The following FRAS1 variants were observed in gnomAD, a reference collection of about 807,000 sequenced individuals.
The protein encoded by FRAS1 is extracellular matrix organizing protein FRAS1.
In FRAS1, 290 loss-of-function variants were observed where a neutral mutation model predicts 435.2. The observed-to-expected ratio is 0.67, with a 90% CI of 0.61 to 0.73. The LOEUF (loss-of-function observed/expected upper bound fraction) is 0.73, where lower values mean the gene tolerates loss of function less well. Ranked by LOEUF, FRAS1 falls within the 30% of genes least tolerant of loss-of-function variation. The pLI, the probability that FRAS1 is intolerant of heterozygous loss-of-function variation, is 0.00. For synonymous variants in FRAS1, 1,800 were observed against 1,851.0 expected, an observed-to-expected ratio of 0.97 and a Z score of 0.71; for missense variants, 4,860 against 5,001.5, an observed-to-expected ratio of 0.97 and a Z score of 0.85.
intron 64 of FRAS1, 39 bp from the exon 65 acceptor site, chr4:78,513,353 C>A (rs1232977198): frequency 3.1e-6 from 5 of 1,601,384 alleles, no homozygotes; most frequent in Non-Finnish European, 4.3e-6. Context: ...CCATTTATAG[C>A]AGTCAGCTAA....
At chr4:78,148,665 G>A (rs1203061222) in intron 2 of FRAS1, among the ~76,000 whole-genome samples, 1 of 152,154 alleles carries the variant, frequency 6.6e-6, no homozygotes, top group Non-Finnish European at 1.5e-5. Flanking sequence ...AGTTCCCCAT[G>A]TTTTAAGAAT....
At chr4:78,534,376 G>A (rs1721817911) in intron 70 of FRAS1, 73 bp from the exon 71 acceptor site, 2 of 1,264,714 alleles carry the variant, frequency 1.6e-6, no homozygotes, top group South Asian at 1.4e-5. Flanking sequence ...GGTGGGGAAG[G>A]GAGGGTGACT....
At chr4:78,070,132 C>T (rs72858745) in intron 2 of FRAS1, among the ~76,000 whole-genome samples, 17,456 of 152,124 alleles carry the variant, frequency 0.11, 1,092 homozygotes, top group Middle Eastern at 0.18. Context: ...CCTGCACTGG[C>T]GTGCACCAGA....
intron 6 of FRAS1, among the ~76,000 whole-genome samples, chr4:78,256,293 G>A (rs1725792621): frequency 1.3e-5 from 2 of 152,202 alleles, no homozygotes; most frequent in African/African-American, 4.8e-5. Context: ...CTGTGCTCAT[G>A]TCTCATCTCC....
At chr4:78,419,362 C>A (rs769669578) in intron 33 of FRAS1, among the ~76,000 whole-genome samples, 2 of 152,186 alleles carry the variant, frequency 1.3e-5, no homozygotes, top group Non-Finnish European at 2.9e-5. Context: ...ACTGGCAGAA[C>A]TGGACACATA....
Position 78,518,454 on chromosome 4 carries a change from T to TATATA in FRAS1, c.10390-877_10390-876insATATA, listed in dbSNP as rs1560423230. ...TATATATATATATATATATATATAT[T>TATATA]TATTTATTTATTTATTTGTGGAAAA... On this transcript the variant is annotated intron_variant, in intron 66 of 73. Coordinates refer to ENST00000512123, the MANE Select transcript of FRAS1 (RefSeq NM_025074.7). 6.3e-3 allele frequency among the ~76,000 whole-genome samples: 635 copies of TATATA among 100,396 alleles called. 4 individuals are homozygous for TATATA. Among genetic ancestry groups the TATATA allele is most frequent in the African/African-American group, 0.026 (605 of 23,668 alleles). 65.9% of individuals were successfully genotyped at this position (100,396 alleles called of 152,430 possible).
At chr4:78,244,986 A>T (rs1008792464) in intron 3 of FRAS1, among the ~76,000 whole-genome samples, 4 of 152,166 alleles carry the variant, frequency 2.6e-5, no homozygotes, top group Non-Finnish European at 5.9e-5. Context: ...AGTTCATCAC[A>T]TGTGAAAAGA....
At chr4:78,450,927 AC>A (rs1174672074) in intron 45 of FRAS1, among the ~76,000 whole-genome samples, 19 of 151,788 alleles carry the variant, frequency 1.3e-4, no homozygotes, top group Admixed American at 1.2e-3. Context: ...AACGTAATCC[AC>A]AGTCTTGTGA....
chr4:78,477,585 C>A (rs1026364021), intron 54 of FRAS1, among the ~76,000 whole-genome samples: 4 of 152,178 alleles, frequency 2.6e-5, no homozygotes, highest in Non-Finnish European at 5.9e-5. Context: ...AGAGATTTTG[C>A]TCCTTCATGT....
intron 14 of FRAS1, among the ~76,000 whole-genome samples, chr4:78,302,611 A>G (rs369510808): frequency 1.3e-5 from 2 of 152,026 alleles, no homozygotes; most frequent in South Asian, 2.1e-4. Flanking sequence ...GCCAGTGATG[A>G]TGAGCATTTT....
rs148877819 is a variant in FRAS1 at position 78,224,963 on chromosome 4, G to A, written c.109-12547G>A. ...TTTCTAACTTGTTTGCGCATTAGTAGTGGTCATATACTGAAATGCATGCAA... is the reference window on the plus strand; with the variant it reads ...TTTCTAACTTGTTTGCGCATTAGTAATGGTCATATACTGAAATGCATGCAA... On this transcript the variant is annotated intron_variant, in intron 2 of 73. Transcript: ENST00000512123. Among the ~76,000 whole-genome samples the A allele has an allele frequency of 9.8e-5, 15 of 152,302 alleles. No individual in the cohort carries two copies. The East Asian group carries it at 2.1e-3, about 22-fold the overall frequency.
At chr4:78,536,191 A>ATTTTTTTTTTT (rs11355997) in intron 71 of FRAS1, among the ~76,000 whole-genome samples, 21 of 103,978 alleles carry the variant, frequency 2.0e-4, no homozygotes, top group African/African-American at 7.9e-4. Context: ...TTGTACATGG[A>ATTTTTTTTTTT]TTTTTTTTTT....
At chr4:78,254,834 C>T (rs1437112815) in intron 5 of FRAS1, among the ~76,000 whole-genome samples, 1 of 152,050 alleles carries the variant, frequency 6.6e-6, no homozygotes, top group Non-Finnish European at 1.5e-5. Context: ...TAATGTTTTC[C>T]TCCTTTGGGC....
At chr4:78,252,371 T>G in intron 4 of FRAS1, 21 bp from the exon 5 acceptor site, 1 of 1,601,910 alleles carries the variant, frequency 6.2e-7, no homozygotes, top group Non-Finnish European at 8.5e-7. Context: ...CTTTTTTTTT[T>G]TCTGTCTCCC....
intron 2 of FRAS1, among the ~76,000 whole-genome samples, chr4:78,140,690 CATATGT>C (rs1720132672): frequency 7.8e-6 from 1 of 128,576 alleles, no homozygotes; most frequent in Non-Finnish European, 1.6e-5. Flanking sequence ...TATGCATATA[CATATGT>C]GTATATGCAT....
chr4:78,092,981 A>AAAACTCAGCGG (rs1741609838), intron 2 of FRAS1, among the ~76,000 whole-genome samples: 1 of 152,206 alleles, frequency 6.6e-6, no homozygotes, highest in East Asian at 1.9e-4. Flanking sequence ...GAGAAGGAAA[A>AAAACTCAGCGG]AAACTCAGCA....
intron 18 of FRAS1, among the ~76,000 whole-genome samples, chr4:78,326,947 G>A (rs940690740): frequency 1.3e-5 from 2 of 152,170 alleles, no homozygotes; most frequent in Non-Finnish European, 2.9e-5. Context: ...AAGGGACTGT[G>A]ATAGGCACTG....
chr4:78,510,222 C>T (rs1452164982), intron 63 of FRAS1, among the ~76,000 whole-genome samples: 1 of 152,198 alleles, frequency 6.6e-6, no homozygotes, highest in East Asian at 1.9e-4. Context: ...GCCAAATGTA[C>T]ATTTTTAACA....
intron 34 of FRAS1, among the ~76,000 whole-genome samples, chr4:78,422,348 C>T (rs563686379): frequency 6.6e-6 from 1 of 151,920 alleles, no homozygotes; most frequent in Admixed American, 6.6e-5. Context: ...TGATAAATAA[C>T]CCCAGGAATG....
Sources: gnomAD v4.1 joint callset for allele counts (sites outside exome capture counted in the v4.1 genomes callset) on GRCh38, gnomAD v4.1.1 for gene constraint, MANE v1.5 for transcripts, NCBI Gene and HGNC (gene_info 2026-07-23, HGNC 2026-07-21) for gene names.